Variants in ITGB4 observed in about 807,000 individuals in gnomAD.
The protein encoded by ITGB4 is integrin beta-4.
ITGB4 carries 159 observed loss-of-function variants against 207.6 expected under a neutral mutation model. That is an observed-to-expected ratio of 0.77 (90% CI 0.67 to 0.87). The LOEUF is 0.87. Ranked by LOEUF, ITGB4 falls within the 40% of genes least tolerant of loss-of-function variation. ITGB4 has a pLI of 0.00. For synonymous variants in ITGB4, 1,020 were observed against 1,062.7 expected (o/e 0.96, Z 0.78); for missense variants, 2,278 against 2,546.8 (o/e 0.89, Z 2.27).
rs1056483289 is a variant in ITGB4 at position 75,727,600 on chromosome 17, C to T, written c.265-51C>T. 9.5e-6 allele frequency: 15 copies of T among 1,578,358 alleles called. No individual in the cohort carries two copies. The highest frequency in any genetic ancestry group is 6.8e-5 in the South Asian group (6 of 88,006). ...CCCCTTGGCCGGGCTGGGCCCCCAT[C>T]GGGCCTCCGGAGTGACCCTCTAGCC... On this transcript the variant is annotated intron_variant, in intron 4 of 39. Coordinates refer to ENST00000200181, the MANE Select transcript of ITGB4 (RefSeq NM_000213.5). The surrounding 1 kb of genome is among the most constrained non-coding windows in gnomAD (Gnocchi z 6.0).
chr17:75,731,892 C>T lies in ITGB4; in HGVS notation c.1296C>T (p.Gly432=). Residue 432 remains glycine, a synonymous_variant, in exon 11 of 40, where the codon GGC becomes GGT. Coordinates refer to ENST00000200181, the MANE Select transcript of ITGB4 (RefSeq NM_000213.5). The surrounding 1 kb of genome is among the most constrained non-coding windows in gnomAD (Gnocchi z 6.8). ...HVCQLPEDQK[G]NIHLKPSFSD... ...GCCAGCTGCCGGAGGACCAGAAGGG[C>T]AACATCCATCTGAAACCTTCCTTCT... 2 of 1,614,028 alleles carry T rather than the reference C, an allele frequency of 1.2e-6. No homozygotes were observed. Among genetic ancestry groups the T allele is most frequent in the East Asian group, 2.2e-5 (1 of 44,874 alleles).
rs745899656 is a variant in ITGB4 at position 75,742,505 on chromosome 17, C to A, written c.2782+16C>A. 1 of 1,612,944 alleles carries A rather than the reference C, an allele frequency of 6.2e-7. No individual in the cohort carries two copies. The highest frequency in any genetic ancestry group is 8.5e-7 in the Non-Finnish European group (1 of 1,179,782). On this transcript the variant is annotated intron_variant, in intron 24 of 39. Transcript: ENST00000200181. This position sits in a 1 kb window ranked among gnomAD's most constrained non-coding sequence, Gnocchi z 5.9. The stretch of plus-strand genomic sequence containing the variant: ...GCAGACCAGGGTAGGAGGGCGGGTC[C>A]GCTGTGCCACTGCCTCGCACCTCCC...
In ITGB4 at chr17:75,739,673, C is replaced by A; in HGVS notation, c.2222C>A (p.Ala741Asp). Residue 741 changes from alanine (A) to aspartate (D), a missense_variant and splice_region_variant, in exon 19 of 40, where the codon GCC becomes GAC. Transcript: ENST00000200181. The surrounding 1 kb of genome is among the most constrained non-coding windows in gnomAD (Gnocchi z 5.4). Reference protein sequence around the residue: ...LCWKYCACCKACLALLPCCNR... With the variant: ...LCWKYCACCKDCLALLPCCNR... ...ACCCTCACCCACCTTGTCTCCTAGG[C>A]CTGCCTGGCACTTCTCCCGTGCTGC... The A allele has an allele frequency of 6.2e-7, 1 of 1,614,142 alleles. No homozygotes were observed. The highest frequency in any genetic ancestry group is 8.5e-7 in the Non-Finnish European group (1 of 1,180,038).
chr17:75,737,548 G>A lies in ITGB4; in HGVS notation c.2124G>A (p.Pro708=), dbSNP rs761336729. ...VLVHKKKDCP[P]GSFWWLIPLL... is the part of the protein sequence containing the mutation. ...CCTCCTCCTCTCCAGACTGCCCTCC[G>A]GGCTCCTTCTGGTGGCTCATCCCCC... is the stretch of plus-strand genomic sequence containing the variant. Residue 708 remains proline (P), a synonymous_variant, in exon 18 of 40, where the codon CCG becomes CCA. Transcript: ENST00000200181. The A allele has an allele frequency of 1.6e-5, 26 of 1,580,684 alleles. No individual in the cohort carries two copies. The highest frequency in any genetic ancestry group is 6.9e-5 in the South Asian group (6 of 87,084).
At chr17:75,735,940 G>A (rs1313711354) in intron 13 of ITGB4, 111 bp from the exon 14 acceptor site, 22 of 947,414 alleles carry the variant, frequency 2.3e-5, no homozygotes, top group Admixed American at 3.4e-5. Flanking sequence ...CCAGGCTAGC[G>A]GCACCCTGGC....
rs776224078 is a variant in ITGB4, at chr17:75,756,949, C to G, written c.5060C>G (p.Ala1687Gly). 1 of 1,612,588 alleles carries G rather than the reference C, an allele frequency of 6.2e-7. No individual in the cohort carries two copies. Among genetic ancestry groups the G allele is most frequent in the East Asian group, 2.2e-5 (1 of 44,878 alleles). The change falls in exon 38 of 40, where the codon GCC becomes GGC. Residue 1687 changes from alanine to glycine, a missense_variant. Transcript: ENST00000200181. ...TCEMAQGGGPATAFRVDGDSP... is the reference protein window; with the variant it reads ...TCEMAQGGGPGTAFRVDGDSP... ...AGGCATCTTCCCTGCTCAGGGCCAG[C>G]CACCGCATTCCGGGTGGATGGAGAC...
chr17:75,741,852 C>G (rs900044293), intron 23 of ITGB4, among the ~76,000 whole-genome samples: 1 of 151,872 alleles, frequency 6.6e-6, no homozygotes, highest in Non-Finnish European at 1.5e-5. Flanking sequence ...TATCCTGCTA[C>G]GGGCCAAGCA....
Position 75,729,173 on chromosome 17 carries a change from A to C in ITGB4, c.567-92A>C, listed in dbSNP as rs1384298482. ...GACTTGGTCTCAAAAAAAAAAAAAA[A>C]AATTCTCCTTCTAGTTGAAACGAGC... On this transcript the variant is annotated intron_variant, in intron 6 of 39. Coordinates refer to ENST00000200181, the MANE Select transcript of ITGB4 (RefSeq NM_000213.5). This position sits in a 1 kb window ranked among gnomAD's most constrained non-coding sequence, Gnocchi z 4.4. The C allele has an allele frequency of 1.8e-5, 23 of 1,267,792 alleles. No homozygotes were observed. The Admixed American group carries it at 5.2e-4, about 29-fold the overall frequency. 78.5% of individuals were successfully genotyped at this position (1,267,792 alleles called of 1,614,324 possible).
Position 75,731,801 on chromosome 17 carries a change from G to T in ITGB4, c.1216-11G>T. 6.4e-7 allele frequency: 1 copy of T among 1,571,620 alleles called. No individual in the cohort carries two copies. The highest frequency in any genetic ancestry group is 2.4e-5 in the East Asian group (1 of 42,490). The stretch of plus-strand genomic sequence containing the variant: ...CTGGGCCTGCCTTGGCTGACCACGG[G>T]GCCCCTGCAGGGTATATACCAGGTG... On this transcript the variant is annotated splice_polypyrimidine_tract_variant and intron_variant, in intron 10 of 39. Coordinates refer to ENST00000200181, the MANE Select transcript of ITGB4 (RefSeq NM_000213.5). This position sits in a 1 kb window ranked among gnomAD's most constrained non-coding sequence, Gnocchi z 6.8.
At chr17:75,757,353 G>T (rs376386092) in intron 39 of ITGB4, 43 bp downstream of exon 39, 2 of 1,612,594 alleles carry the variant, frequency 1.2e-6, no homozygotes, top group Non-Finnish European at 1.7e-6. Context: ...CCTGGGACAG[G>T]GAGCTAGCAG....
chr17:75,732,050 C>T lies in ITGB4; in HGVS notation c.1377+77C>T. On this transcript the variant is annotated intron_variant, in intron 11 of 39. Transcript: ENST00000200181. The surrounding 1 kb of genome is among the most constrained non-coding windows in gnomAD (Gnocchi z 5.3). Reference sequence around the variant, plus strand: ...GGACCCTGAGGAATGAAGCAGGACTCCTGTGCCCCATATCCCTTGTGGGGT... The same window carrying T: ...GGACCCTGAGGAATGAAGCAGGACTTCTGTGCCCCATATCCCTTGTGGGGT... 2.5e-6 allele frequency: 4 copies of T among 1,609,548 alleles called. No individual in the cohort carries two copies. Among genetic ancestry groups the T allele is most frequent in the Non-Finnish European group, 3.4e-6 (4 of 1,176,392 alleles).
At position 75,742,691 on chromosome 17, in the gene ITGB4, C is replaced by G. The variant is rs1034600264; in HGVS notation, c.2892C>G (p.Ala964=). The part of the protein sequence containing the change: ...DDDEKQLLVE[A]IDVPAGTATL... ...ACGAGAAGCAGCTGCTGGTGGAGGCCATCGACGTGCCCGCAGGCACTGCCA... is the reference window on the plus strand; with the variant it reads ...ACGAGAAGCAGCTGCTGGTGGAGGCGATCGACGTGCCCGCAGGCACTGCCA... Residue 964 remains alanine, a synonymous_variant, in exon 25 of 40, where the codon GCC becomes GCG. Coordinates refer to ENST00000200181, the MANE Select transcript of ITGB4 (RefSeq NM_000213.5). The surrounding 1 kb of genome is among the most constrained non-coding windows in gnomAD (Gnocchi z 5.9). 1 of 1,613,876 alleles carries G rather than the reference C, an allele frequency of 6.2e-7. No individual in the cohort carries two copies. Among genetic ancestry groups the G allele is most frequent in the East Asian group, 2.2e-5 (1 of 44,878 alleles).
intron 27 of ITGB4, 149 bp from the exon 28 acceptor site, chr17:75,749,962 G>A (rs2143338528): frequency 1.0e-6 from 1 of 973,922 alleles, no homozygotes; most frequent in East Asian, 2.4e-5. Flanking sequence ...GGCAGCAATG[G>A]GGCACCACCA....
At chr17:75,733,173 G>A (rs1294435709) in intron 12 of ITGB4, among the ~76,000 whole-genome samples, 1 of 151,974 alleles carries the variant, frequency 6.6e-6, no homozygotes, top group Admixed American at 6.6e-5. Flanking sequence ...CGGATCACAA[G>A]GTCAGGAGAT....
intron 18 of ITGB4, among the ~76,000 whole-genome samples, chr17:75,737,926 C>G (rs1482945376): frequency 6.6e-6 from 1 of 152,004 alleles, no homozygotes; most frequent in Non-Finnish European, 1.5e-5. Context: ...GGGTCCTCCT[C>G]AGGGTCCCCA....
In ITGB4 at chr17:75,732,057, C is replaced by G; in HGVS notation, c.1377+84C>G. 2 of 1,608,760 alleles carry G rather than the reference C, an allele frequency of 1.2e-6. No homozygotes were observed. Among genetic ancestry groups the G allele is most frequent in the Non-Finnish European group, 8.5e-7 (1 of 1,175,724 alleles). Reference sequence around the variant, plus strand: ...GAGGAATGAAGCAGGACTCCTGTGCCCCATATCCCTTGTGGGGTTTCCCGA... The same window carrying G: ...GAGGAATGAAGCAGGACTCCTGTGCGCCATATCCCTTGTGGGGTTTCCCGA... On this transcript the variant is annotated intron_variant, in intron 11 of 39. Coordinates refer to ENST00000200181, the MANE Select transcript of ITGB4 (RefSeq NM_000213.5). The surrounding 1 kb of genome is among the most constrained non-coding windows in gnomAD (Gnocchi z 5.3).
chr17:75,731,124 T>A lies in ITGB4; in HGVS notation c.1093-122T>A. On this transcript the variant is annotated intron_variant, in intron 9 of 39. Coordinates refer to ENST00000200181, the MANE Select transcript of ITGB4 (RefSeq NM_000213.5). This position sits in a 1 kb window ranked among gnomAD's most constrained non-coding sequence, Gnocchi z 6.8. ...ATCCCTGAGGCCCCGAGGGGCCACC[T>A]GGGCCTGGCCCTGGCTCCTGCAGGC... 1 of 1,542,006 alleles carries A rather than the reference T, an allele frequency of 6.5e-7. No individual in the cohort carries two copies. The highest frequency in any genetic ancestry group is 2.3e-5 in the East Asian group (1 of 44,096).
rs374572978 is a variant in ITGB4 at position 75,732,981 on chromosome 17, G to A, written c.1455-509G>A. Among the ~76,000 whole-genome samples, 3 of 152,026 alleles carry A rather than the reference G, an allele frequency of 2.0e-5. No homozygotes were observed. The highest frequency in any genetic ancestry group is 1.9e-4 in the East Asian group (1 of 5,198). On this transcript the variant is annotated intron_variant, in intron 12 of 39. Coordinates refer to ENST00000200181, the MANE Select transcript of ITGB4 (RefSeq NM_000213.5). The surrounding 1 kb of genome is among the most constrained non-coding windows in gnomAD (Gnocchi z 5.3). ...TGCATGCCTGTAATCCCAGCTACTC[G>A]GGAGGCTGAGGCAGAATTGCTTGCA...
intron 33 of ITGB4, 97 bp from the exon 34 acceptor site, chr17:75,754,479 A>T: frequency 6.6e-7 from 1 of 1,518,052 alleles, no homozygotes; most frequent in Non-Finnish European, 9.1e-7. Context: ...AAAGCCACCC[A>T]GAGGGTGGGT....
Sources: allele counts gnomAD v4.1 joint callset (sites outside exome capture counted in the v4.1 genomes callset), GRCh38; gene constraint gnomAD v4.1.1; non-coding constraint Gnocchi (gnomAD v3.1); transcripts MANE v1.5; gene names NCBI Gene and HGNC (gene_info 2026-07-23, HGNC 2026-07-21).